Variants in BACH2 observed in about 807,000 individuals in gnomAD.
The protein encoded by BACH2 is BACH transcriptional regulator 2.
In BACH2, 5 loss-of-function variants were observed where a neutral mutation model predicts 61.8. That is an observed-to-expected ratio of 0.08 (90% CI 0.04 to 0.17). The LOEUF (loss-of-function observed/expected upper bound fraction) is 0.17. Ranked by LOEUF, BACH2 falls within the 10% of genes least tolerant of loss-of-function variation. The pLI, the probability that BACH2 is intolerant of heterozygous loss-of-function variation, is 1.00. For missense variants in BACH2, 824 were observed against 1,091.1 expected (o/e 0.76, Z 3.45); for synonymous variants, 446 against 440.1 (o/e 1.01, Z -0.17).
At chr6:90,269,651 T>C (rs1338656039) in intron 2 of BACH2, among the ~76,000 whole-genome samples, 2 of 152,134 alleles carry the variant, frequency 1.3e-5, no homozygotes, top group Non-Finnish European at 2.9e-5. Flanking sequence ...AGAGAAAATT[T>C]AGGTTATTTT....
At chr6:90,274,060 G>A (rs538271274) in intron 1 of BACH2, among the ~76,000 whole-genome samples, 69 of 152,280 alleles carry the variant, frequency 4.5e-4, no homozygotes, top group Non-Finnish European at 8.5e-4. Context: ...AGATTAAACA[G>A]ACAGATAGGG....
intron 4 of BACH2, among the ~76,000 whole-genome samples, chr6:90,201,394 C>T (rs1482054927): frequency 6.6e-6 from 1 of 152,140 alleles, no homozygotes; most frequent in African/African-American, 2.4e-5. Flanking sequence ...AAAATACTAT[C>T]TCATCATTTT....
At chr6:90,199,408 C>T (rs906495708) in intron 4 of BACH2, among the ~76,000 whole-genome samples, 1 of 152,196 alleles carries the variant, frequency 6.6e-6, no homozygotes, top group Non-Finnish European at 1.5e-5. Flanking sequence ...TACATATTTA[C>T]ACACACACGC....
chr6:90,191,670 C>T lies in BACH2; in HGVS notation c.-162+14899G>A, dbSNP rs529515531. Among the ~76,000 whole-genome samples, 141 of 152,222 alleles carry T rather than the reference C, an allele frequency of 9.3e-4. 1 individual carries two copies. In the Middle Eastern group the frequency reaches 0.01, roughly 11 times the overall value. ...CTTAAGGGTCTCTGCGTTTCCCCAT[C>T]TGTAAAGTGGGAATAATACCAACTA... On this transcript the variant is annotated intron_variant, in intron 4 of 8. Transcript: ENST00000257749.
intron 1 of BACH2, among the ~76,000 whole-genome samples, chr6:90,288,755 G>C (rs931606080): frequency 6.6e-6 from 1 of 152,050 alleles, no homozygotes; most frequent in Non-Finnish European, 1.5e-5. Context: ...TTTCTAATTA[G>C]GATTTCTGAT....
intron 4 of BACH2, among the ~76,000 whole-genome samples, chr6:90,110,279 G>C (rs1399185328): frequency 6.6e-6 from 1 of 152,200 alleles, no homozygotes; most frequent in Non-Finnish European, 1.5e-5. Flanking sequence ...GCTTTTAAAT[G>C]TGGAGTCTGA....
intron 4 of BACH2, among the ~76,000 whole-genome samples, chr6:90,172,893 T>C (rs2127837929): frequency 6.6e-6 from 1 of 152,008 alleles, no homozygotes; most frequent in East Asian, 1.9e-4. Flanking sequence ...TAAAAAATAA[T>C]ATAAAACTAT....
At chr6:90,127,464 A>G (rs1740673227) in intron 4 of BACH2, among the ~76,000 whole-genome samples, 3 of 152,150 alleles carry the variant, frequency 2.0e-5, no homozygotes. Flanking sequence ...TGTTTATTAT[A>G]CCGCCTTGGC....
chr6:89,982,168 G>A (rs1439974653), intron 6 of BACH2, among the ~76,000 whole-genome samples: 1 of 152,164 alleles, frequency 6.6e-6, no homozygotes, highest in Non-Finnish European at 1.5e-5. Flanking sequence ...GGTGACAAGT[G>A]CTGCAGGAGA....
chr6:90,238,521 C>T (rs1770333149), intron 3 of BACH2, among the ~76,000 whole-genome samples: 1 of 152,182 alleles, frequency 6.6e-6, no homozygotes, highest in Admixed American at 6.5e-5. Context: ...AAACTCACTC[C>T]TAATAAGAAT....
chr6:90,092,287 AAAAAAT>A (rs1346185717), intron 4 of BACH2, among the ~76,000 whole-genome samples: 12 of 22,368 alleles, frequency 5.4e-4, no homozygotes, highest in Admixed American at 4.7e-3. Context: ...AAGTAAAAAA[AAAAAAT>A]ATATATATAT....
intron 5 of BACH2, among the ~76,000 whole-genome samples, chr6:90,014,949 T>G (rs1269914645): frequency 6.6e-6 from 1 of 150,912 alleles, no homozygotes; most frequent in Non-Finnish European, 1.5e-5. Context: ...CAGCTATTTT[T>G]TTTTTTTTTT....
At chr6:90,199,615 G>T (rs1768887886) in intron 4 of BACH2, among the ~76,000 whole-genome samples, 2 of 152,126 alleles carry the variant, frequency 1.3e-5, no homozygotes, top group African/African-American at 4.8e-5. Context: ...AAACTTCACA[G>T]AATTTCCCAG....
chr6:90,110,109 G>T (rs554895696), intron 4 of BACH2, among the ~76,000 whole-genome samples: 6 of 152,236 alleles, frequency 3.9e-5, no homozygotes, highest in Non-Finnish European at 7.4e-5. Flanking sequence ...TCTCATATCT[G>T]GTACTACCTT....
At chr6:89,986,881 C>G (rs1181228184) in intron 6 of BACH2, among the ~76,000 whole-genome samples, 1 of 152,164 alleles carries the variant, frequency 6.6e-6, no homozygotes, top group Non-Finnish European at 1.5e-5. Context: ...TTCAGTATGT[C>G]AGCTGACATC....
intron 4 of BACH2, among the ~76,000 whole-genome samples, chr6:90,155,573 T>C (rs1454264566): frequency 6.6e-6 from 1 of 152,132 alleles, no homozygotes; most frequent in African/African-American, 2.4e-5. Flanking sequence ...CAATAGTAAA[T>C]CATCACAACA....
At chr6:90,279,874 G>T (rs1771807071) in intron 1 of BACH2, among the ~76,000 whole-genome samples, 1 of 152,112 alleles carries the variant, frequency 6.6e-6, no homozygotes, top group Admixed American at 6.6e-5. Flanking sequence ...TTACATAAAG[G>T]GGAAAAGATT....
At chr6:90,227,359 G>A (rs934758693) in intron 3 of BACH2, among the ~76,000 whole-genome samples, 3 of 152,194 alleles carry the variant, frequency 2.0e-5, no homozygotes, top group African/African-American at 7.2e-5. Flanking sequence ...CTGCACTCCT[G>A]TCAAACAATG....
At chr6:89,963,896 C>T (rs1368495199) in intron 6 of BACH2, among the ~76,000 whole-genome samples, 2 of 152,148 alleles carry the variant, frequency 1.3e-5, no homozygotes, top group South Asian at 2.1e-4. Context: ...AATCCTGTCA[C>T]GTGTTCTAAC....
Sources: gnomAD v4.1 joint callset for allele counts (sites outside exome capture counted in the v4.1 genomes callset) on GRCh38, gnomAD v4.1.1 for gene constraint, MANE v1.5 for transcripts, NCBI Gene and HGNC (gene_info 2026-07-23, HGNC 2026-07-21) for gene names.